CCDC15: variants seen among roughly 807,000 people sequenced by gnomAD.
CCDC15 encodes coiled-coil domain-containing protein 15.
Under a neutral mutation model 114.5 loss-of-function variants are expected in CCDC15, and 105 were observed. That is an observed-to-expected ratio of 0.92 (90% CI 0.78 to 1.08). CCDC15 has a LOEUF of 1.08. Among genes scored for constraint, CCDC15 ranks in the 50% least tolerant of loss-of-function variants. The probability of loss-of-function intolerance (pLI) is 0.00; values close to 1 mark genes in which losing one functional copy is unlikely to be tolerated. For synonymous variants in CCDC15, 334 were observed against 377.8 expected (o/e 0.88, Z 1.34); for missense variants, 1,105 against 1,093.6 (o/e 1.01, Z -0.15).
intron 13 of CCDC15, among the ~76,000 whole-genome samples, chr11:125,027,089 A>G (rs1381277871): frequency 6.6e-6 from 1 of 152,140 alleles, no homozygotes; most frequent in Non-Finnish European, 1.5e-5. Context: ...ATGGCTGAGT[A>G]GTATTCCATG....
At chr11:125,028,142 G>C (rs572862716) in intron 13 of CCDC15, among the ~76,000 whole-genome samples, 55 of 152,216 alleles carry the variant, frequency 3.6e-4, no homozygotes, top group African/African-American at 1.0e-3. Flanking sequence ...TACCCATACT[G>C]TGCTGCTTTG....
At chr11:124,978,647 G>C (rs1402059582) in intron 6 of CCDC15, among the ~76,000 whole-genome samples, 2 of 151,998 alleles carry the variant, frequency 1.3e-5, no homozygotes, top group African/African-American at 4.8e-5. Flanking sequence ...AATATCCTTT[G>C]CCCTCTTTTA....
intron 4 of CCDC15, among the ~76,000 whole-genome samples, chr11:124,960,323 C>CAAA (rs1206885094): frequency 8.5e-5 from 2 of 23,512 alleles, no homozygotes; most frequent in Admixed American, 5.3e-4. Context: ...GACTCCGTCT[C>CAAA]AAAAAAAAAA....
chr11:124,971,940 A>G (rs35430302), intron 4 of CCDC15, among the ~76,000 whole-genome samples: 30,833 of 151,780 alleles, frequency 0.2, 3,710 homozygotes, highest in African/African-American at 0.33. Context: ...ACCACTACAC[A>G]TGCACTCTTT....
intron 2 of CCDC15, among the ~76,000 whole-genome samples, chr11:124,957,236 C>T (rs773006203): frequency 1.3e-5 from 2 of 152,294 alleles, no homozygotes; most frequent in African/African-American, 4.8e-5. Flanking sequence ...GTCTGAGACA[C>T]CTTGACTATT....
chr11:124,983,990 C>T (rs1591587522), intron 6 of CCDC15, among the ~76,000 whole-genome samples: 2 of 152,044 alleles, frequency 1.3e-5, no homozygotes, highest in East Asian at 1.9e-4. Context: ...TCCAGGTAGG[C>T]GTTCATGTGC....
At chr11:124,996,559 A>T (rs941796891) in intron 11 of CCDC15, among the ~76,000 whole-genome samples, 10 of 152,272 alleles carry the variant, frequency 6.6e-5, no homozygotes, top group South Asian at 2.1e-4. Flanking sequence ...ATACCGTAAA[A>T]TTTCCCATTT....
At chr11:124,969,902 A>T (rs1947851135) in intron 4 of CCDC15, among the ~76,000 whole-genome samples, 1 of 152,210 alleles carries the variant, frequency 6.6e-6, no homozygotes, top group African/African-American at 2.4e-5. Flanking sequence ...CCCCAAGAGC[A>T]TGAGATATTT....
intron 12 of CCDC15, among the ~76,000 whole-genome samples, chr11:125,004,826 A>G (rs1380474346): frequency 6.6e-6 from 1 of 152,082 alleles, no homozygotes; most frequent in Admixed American, 6.6e-5. Context: ...GGTACTTACT[A>G]CTTGGGAACA....
chr11:125,020,270 C>G (rs936862341), intron 13 of CCDC15, among the ~76,000 whole-genome samples: 1 of 151,896 alleles, frequency 6.6e-6, no homozygotes, highest in Non-Finnish European at 1.5e-5. Context: ...GTTTCTTAAT[C>G]TTAGAAGCAG....
At chr11:124,959,367 C>T in intron 3 of CCDC15, 103 bp downstream of exon 3, 1 of 909,960 alleles carries the variant, frequency 1.1e-6, no homozygotes, top group Non-Finnish European at 1.6e-6. Context: ...GATTACATGC[C>T]TAATATAATC....
At chr11:125,010,215 G>C (rs530281526) in intron 13 of CCDC15, among the ~76,000 whole-genome samples, 1 of 151,982 alleles carries the variant, frequency 6.6e-6, no homozygotes, top group Non-Finnish European at 1.5e-5. Context: ...GTTTTGACTC[G>C]TGTTAGATAG....
chr11:124,977,512 T>C lies in CCDC15; in HGVS notation c.665T>C (p.Ile222Thr). The change falls in exon 6 of 16, where the codon ATA becomes ACA. Residue 222 changes from isoleucine to threonine, a missense_variant. Transcript: ENST00000344762. Reference protein sequence around the residue: ...VLSRKPASTGINTGIRGELPI... With the variant: ...VLSRKPASTGTNTGIRGELPI... ...TCCAGGAAACCAGCATCCACTGGGA[T>C]AAATACAGGAATAAGAGGAGAGTTG... 2 of 1,603,478 alleles carry C rather than the reference T, an allele frequency of 1.2e-6. No homozygotes were observed. The highest frequency in any genetic ancestry group is 1.7e-6 in the Non-Finnish European group (2 of 1,174,656).
rs995965863 is a variant in CCDC15 at position 125,005,133 on chromosome 11, A to G, written c.2332A>G (p.Arg778Gly). 21 of 1,555,470 alleles carry G rather than the reference A, an allele frequency of 1.4e-5. No homozygotes were observed. Among genetic ancestry groups the G allele is most frequent in the Non-Finnish European group, 1.7e-5 (19 of 1,143,564 alleles). Residue 778 changes from arginine to glycine, a missense_variant, in exon 13 of 16, where the codon AGA becomes GGA. Arg to Gly is a moderately radical substitution (Grantham distance 125). Transcript: ENST00000344762. ...GCGTCAAAAGCAGTACCTGAGACAT[A>G]GACGACTTTTCATGGATATTGAGAG... ...KERQKQYLRH[R>G]RLFMDIEREQ...
chr11:125,009,610 G>GTT (rs1231343143), intron 13 of CCDC15, among the ~76,000 whole-genome samples: 1 of 152,160 alleles, frequency 6.6e-6, no homozygotes, highest in Non-Finnish European at 1.5e-5. Context: ...CACTCAGATA[G>GTT]TAAGTATAGT....
At chr11:124,982,034 T>C (rs1399825741) in intron 6 of CCDC15, among the ~76,000 whole-genome samples, 2 of 152,208 alleles carry the variant, frequency 1.3e-5, no homozygotes, top group Non-Finnish European at 2.9e-5. Flanking sequence ...CTTTTTACTA[T>C]TATGTAATAC....
chr11:125,023,311 T>C (rs896986788), intron 13 of CCDC15, among the ~76,000 whole-genome samples: 7 of 151,986 alleles, frequency 4.6e-5, no homozygotes, highest in African/African-American at 1.7e-4. Context: ...AGAAGATTGA[T>C]AAGTTGGACT....
chr11:124,971,737 G>A lies in CCDC15; in HGVS notation c.517-3359G>A, dbSNP rs550248608. ...CATGCATTGTTATTAAAAAAGATAA[G>A]TACTTTGCACATTTCCTCATCTTCC... On this transcript the variant is annotated intron_variant, in intron 4 of 15. Transcript: ENST00000344762. Among the ~76,000 whole-genome samples the A allele has an allele frequency of 1.3e-3, 191 of 152,102 alleles. 1 individual carries two copies. Among genetic ancestry groups the A allele is most frequent in the South Asian group, 6.4e-3 (31 of 4,816 alleles).
At position 125,040,682 on chromosome 11, in the gene CCDC15, G is replaced by A; in HGVS notation, c.2827G>A (p.Ala943Thr). ...AGTCGCAATTCATAATTTTGCTTCT[G>A]CACACAGGCGGACTTTGAAAAATCT... ...LRVAIHNFAS[A>T]HRRTLKNL is the part of the protein sequence containing the mutation. Residue 943 changes from alanine (A) to threonine (T), a missense_variant, in exon 16 of 16, where the codon GCA becomes ACA. Physicochemically the swap from Ala to Thr is moderately conservative, Grantham distance 58. Transcript: ENST00000344762. 6.2e-7 allele frequency: 1 copy of A among 1,611,986 alleles called. No individual in the cohort carries two copies. Among genetic ancestry groups the A allele is most frequent in the South Asian group, 1.1e-5 (1 of 90,620 alleles).
Sources: gnomAD v4.1 joint callset for allele counts (sites outside exome capture counted in the v4.1 genomes callset) on GRCh38, gnomAD v4.1.1 for gene constraint, MANE v1.5 for transcripts, NCBI Gene and HGNC (gene_info 2026-07-23, HGNC 2026-07-21) for gene names.